TRAPPC9: variants seen among roughly 807,000 people sequenced by gnomAD.
TRAPPC9 encodes the protein trafficking protein particle complex subunit 9, also known as IKK2 binding protein.
Under a neutral mutation model 124.0 loss-of-function variants are expected in TRAPPC9, and 83 were observed. The ratio of observed to expected loss-of-function variants is 0.67; its 90% confidence interval spans 0.56 to 0.80. The LOEUF (loss-of-function observed/expected upper bound fraction) is 0.80. Among genes scored for constraint, TRAPPC9 ranks in the 30% least tolerant of loss-of-function variants. TRAPPC9 has a pLI of 0.00. For synonymous variants in TRAPPC9, 638 were observed against 617.5 expected (o/e 1.03, Z -0.49); for missense variants, 1,302 against 1,508.3 (o/e 0.86, Z 2.27).
rs559309438 is a variant in TRAPPC9 at position 140,267,051 on chromosome 8, T to G, written c.2278+8607A>C. On this transcript the variant is annotated intron_variant, in intron 15 of 22. Transcript: ENST00000438773. ...GGATTTTAAAGGGAGTCTGTAATAG[T>G]AAGAATTAAAATAAGTCAGGAAAGC... Among the ~76,000 whole-genome samples the G allele has an allele frequency of 8.6e-5, 13 of 151,606 alleles. No individual in the cohort carries two copies. The South Asian group carries it at 2.7e-3, about 32-fold the overall frequency.
chr8:140,024,297 T>G (rs1420590431), intron 17 of TRAPPC9, among the ~76,000 whole-genome samples: 1 of 151,960 alleles, frequency 6.6e-6, no homozygotes, highest in Non-Finnish European at 1.5e-5. Context: ...ACACCCCCGG[T>G]GGGCACCATC....
chr8:140,073,471 C>T lies in TRAPPC9; in HGVS notation c.2557-49392G>A, dbSNP rs575874305. On this transcript the variant is annotated intron_variant, in intron 17 of 22. Coordinates refer to ENST00000438773, the MANE Select transcript of TRAPPC9 (RefSeq NM_001160372.4). ...CAGAAGAGCACTTATGCTGAGGTGC[C>T]TATTATGTGACACTCTAAACTAGGC... Among the ~76,000 whole-genome samples, 5 of 152,256 alleles carry T rather than the reference C, an allele frequency of 3.3e-5. No individual in the cohort carries two copies. In the South Asian group the frequency reaches 1.0e-3, roughly 32 times the overall value.
intron 10 of TRAPPC9, among the ~76,000 whole-genome samples, chr8:140,304,551 A>G (rs1043135613): frequency 6.6e-6 from 1 of 152,084 alleles, no homozygotes; most frequent in Admixed American, 6.5e-5. Flanking sequence ...TCAGGTGGAG[A>G]TGAGGAGCAA....
intron 7 of TRAPPC9, 143 bp downstream of exon 7, chr8:140,397,477 G>A: frequency 1.1e-6 from 1 of 937,012 alleles, no homozygotes; most frequent in Non-Finnish European, 1.7e-6. Flanking sequence ...AAATAACCAT[G>A]TTAATTAGAA....
rs185116760 is a variant in TRAPPC9, at chr8:139,960,098, G to T, written c.2810+28628C>A. Among the ~76,000 whole-genome samples the T allele has an allele frequency of 9.3e-4, 142 of 152,294 alleles. 1 individual carries two copies. Among genetic ancestry groups the T allele is most frequent in the Admixed American group, 2.5e-3 (38 of 15,294 alleles). ...CAGATGTGGAAATCAAGGTGTCAGGGGTTAAGTATCTTGCCCAAGATGGAT... is the reference window on the plus strand; with the variant it reads ...CAGATGTGGAAATCAAGGTGTCAGGTGTTAAGTATCTTGCCCAAGATGGAT... On this transcript the variant is annotated intron_variant, in intron 19 of 22. Coordinates refer to ENST00000438773, the MANE Select transcript of TRAPPC9 (RefSeq NM_001160372.4).
chr8:140,112,221 G>T (rs764605436), intron 17 of TRAPPC9, among the ~76,000 whole-genome samples: 59 of 151,924 alleles, frequency 3.9e-4, no homozygotes, highest in African/African-American at 7.0e-4. Flanking sequence ...TGGGACAGGT[G>T]GGAGGAGAGT....
At chr8:139,875,000 C>T (rs1418280732) in intron 21 of TRAPPC9, among the ~76,000 whole-genome samples, 1 of 152,230 alleles carries the variant, frequency 6.6e-6, no homozygotes, top group Non-Finnish European at 1.5e-5. Context: ...TGAGGGGACG[C>T]TGGAAGTTAC....
intron 18 of TRAPPC9, among the ~76,000 whole-genome samples, chr8:140,016,325 G>A (rs560731723): frequency 7.2e-5 from 11 of 152,152 alleles, no homozygotes; most frequent in African/African-American, 2.6e-4. Flanking sequence ...CCTTTAGGGC[G>A]ACCAACTGTC....
At chr8:140,416,926 C>T (rs985059373) in intron 5 of TRAPPC9, among the ~76,000 whole-genome samples, 1 of 152,154 alleles carries the variant, frequency 6.6e-6, no homozygotes, top group Non-Finnish European at 1.5e-5. Flanking sequence ...ACATCTACAA[C>T]CATCTGATTT....
chr8:140,074,051 T>C (rs534202187), intron 17 of TRAPPC9, among the ~76,000 whole-genome samples: 1 of 152,308 alleles, frequency 6.6e-6, no homozygotes, highest in Non-Finnish European at 1.5e-5. Context: ...TCATCCCTCC[T>C]GCCACTGCCC....
chr8:140,016,802 T>C (rs1210674492), intron 18 of TRAPPC9, among the ~76,000 whole-genome samples: 3 of 152,164 alleles, frequency 2.0e-5, no homozygotes, highest in Non-Finnish European at 4.4e-5. Context: ...CTTGAGAAAA[T>C]ATCTAGGAAT....
chr8:140,278,379 T>A (rs1211398525), intron 14 of TRAPPC9, among the ~76,000 whole-genome samples: 1 of 152,230 alleles, frequency 6.6e-6, no homozygotes, highest in Admixed American at 6.5e-5. Context: ...GTGCTAGGAT[T>A]ACAGGAGTGA....
chr8:140,338,593 G>A (rs2067107104), intron 9 of TRAPPC9, among the ~76,000 whole-genome samples: 1 of 152,226 alleles, frequency 6.6e-6, no homozygotes, highest in East Asian at 1.9e-4. Context: ...GGTAAAATGA[G>A]TTTTGCTGGG....
intron 21 of TRAPPC9, among the ~76,000 whole-genome samples, chr8:139,780,171 A>C (rs960752812): frequency 5.8e-4 from 88 of 152,358 alleles, no homozygotes; most frequent in African/African-American, 2.0e-3. Flanking sequence ...TCTAAAGTTT[A>C]TATGGAGAGG....
chr8:139,939,316 T>C (rs1833755086), intron 19 of TRAPPC9, among the ~76,000 whole-genome samples: 1 of 151,696 alleles, frequency 6.6e-6, no homozygotes, highest in Admixed American at 6.6e-5. Flanking sequence ...CTGAGGTGAG[T>C]GGACAACACA....
intron 21 of TRAPPC9, among the ~76,000 whole-genome samples, chr8:139,818,209 G>C (rs990404956): frequency 1.3e-5 from 2 of 152,172 alleles, no homozygotes; most frequent in African/African-American, 4.8e-5. Context: ...TAGGTGCTGG[G>C]CCCTGTGCAG....
Position 139,742,015 on chromosome 8 carries a change from T to C in TRAPPC9, c.3056-9813A>G, listed in dbSNP as rs898667. ...AAGATTTTGTGTGGACACAGGTTAT[T>C]ATTTCTCATGGGTGTACACCTGACA... On this transcript the variant is annotated intron_variant, in intron 21 of 22. Coordinates refer to ENST00000438773, the MANE Select transcript of TRAPPC9 (RefSeq NM_001160372.4). This position sits in a 1 kb window ranked among gnomAD's most constrained non-coding sequence, Gnocchi z 4.7. 0.9 allele frequency among the ~76,000 whole-genome samples: 136,340 copies of C among 152,266 alleles called. 61,139 individuals carry two copies. The highest frequency in any genetic ancestry group is 0.92 in the Non-Finnish European group (62,662 of 68,028).
At chr8:139,989,100 C>A (rs897567217) in intron 18 of TRAPPC9, among the ~76,000 whole-genome samples, 3 of 152,230 alleles carry the variant, frequency 2.0e-5, no homozygotes, top group Non-Finnish European at 4.4e-5. Flanking sequence ...TCAGCCATGC[C>A]TTTTACCAAC....
intron 5 of TRAPPC9, among the ~76,000 whole-genome samples, chr8:140,412,608 C>T (rs185028150): frequency 1.3e-5 from 2 of 152,118 alleles, no homozygotes; most frequent in Admixed American, 6.5e-5. Context: ...ACTGTCAAAT[C>T]GCTCAAAAAA....
Sources: allele counts gnomAD v4.1 joint callset (sites outside exome capture counted in the v4.1 genomes callset), GRCh38; gene constraint gnomAD v4.1.1; non-coding constraint Gnocchi (gnomAD v3.1); transcripts MANE v1.5; gene names NCBI Gene and HGNC (gene_info 2026-07-23, HGNC 2026-07-21).